The following NR5A2 variants were observed in gnomAD, a reference collection of about 807,000 sequenced individuals.
NR5A2 encodes the protein nuclear receptor subfamily 5 group A member 2.
Under a neutral mutation model 62.7 loss-of-function variants are expected in NR5A2, and 26 were observed. The observed-to-expected ratio is 0.41, with a 90% confidence interval of 0.30 to 0.58. The LOEUF is 0.58. Ranked by LOEUF, NR5A2 falls within the 20% of genes least tolerant of loss-of-function variation. NR5A2 has a pLI of 0.22. For missense variants in NR5A2, 541 were observed against 669.1 expected (o/e 0.81, Z 2.11); for synonymous variants, 246 against 241.7 (o/e 1.02, Z -0.16).
intron 7 of NR5A2, among the ~76,000 whole-genome samples, chr1:200,127,274 A>T (rs1666744894): frequency 2.6e-5 from 4 of 152,154 alleles, no homozygotes; most frequent in African/African-American, 4.8e-5. Context: ...ACCTTTGAAG[A>T]CACAGGTTTG....
At chr1:200,090,793 G>A (rs1278395597) in intron 5 of NR5A2, among the ~76,000 whole-genome samples, 5 of 152,148 alleles carry the variant, frequency 3.3e-5, no homozygotes, top group Non-Finnish European at 5.9e-5. Context: ...GGACAGCACA[G>A]ATGTCTCTAG....
chr1:200,065,135 C>A (rs992047219), intron 5 of NR5A2, among the ~76,000 whole-genome samples: 2 of 150,572 alleles, frequency 1.3e-5, no homozygotes, highest in South Asian at 2.1e-4. Flanking sequence ...TTTTCTTTTT[C>A]TTTTTTAGTT....
chr1:200,136,470 G>A (rs1282813764), intron 7 of NR5A2, among the ~76,000 whole-genome samples: 1 of 152,208 alleles, frequency 6.6e-6, no homozygotes, highest in Non-Finnish European at 1.5e-5. Context: ...CATTATACCT[G>A]TTGTTTCTAA....
chr1:200,067,385 C>T (rs766938410), intron 5 of NR5A2, among the ~76,000 whole-genome samples: 22 of 152,182 alleles, frequency 1.4e-4, no homozygotes, highest in Non-Finnish European at 2.5e-4. Context: ...GGAGAAACCC[C>T]GTCTCTACTA....
At chr1:200,103,145 T>A (rs1665469523) in intron 5 of NR5A2, among the ~76,000 whole-genome samples, 1 of 131,310 alleles carries the variant, frequency 7.6e-6, no homozygotes, top group Admixed American at 7.9e-5. Context: ...TTTTTTTGAG[T>A]TGGAGTCTCA....
chr1:200,121,022 C>A, intron 7 of NR5A2, 67 bp downstream of exon 7: 1 of 1,554,612 alleles, frequency 6.4e-7, no homozygotes, highest in South Asian at 1.1e-5. Flanking sequence ...GTTCAAATAT[C>A]TTGTGGTCCA....
At chr1:200,160,601 C>T (rs565376074) in intron 7 of NR5A2, among the ~76,000 whole-genome samples, 5 of 152,206 alleles carry the variant, frequency 3.3e-5, no homozygotes, top group Admixed American at 6.5e-5. Flanking sequence ...ATCCCAAAGA[C>T]GATAAGAATG....
In NR5A2 at chr1:200,155,871, G is replaced by A. The variant is rs143289980; in HGVS notation, c.1379-18092G>A. ...GTATTTTTAGTAGAGACGGGGTTCCGCCATGTTGGCCAGGCTGGTCTCGAA... is the reference window on the plus strand; with the variant it reads ...GTATTTTTAGTAGAGACGGGGTTCCACCATGTTGGCCAGGCTGGTCTCGAA... On this transcript the variant is annotated intron_variant, in intron 7 of 7. Transcript: ENST00000367362. Among the ~76,000 whole-genome samples, 1,357 of 151,974 alleles carry A rather than the reference G, an allele frequency of 8.9e-3. 14 individuals are homozygous for A. Among genetic ancestry groups the A allele is most frequent in the African/African-American group, 0.028 (1,142 of 41,422 alleles).
chr1:200,172,009 T>C (rs979909673), intron 7 of NR5A2, among the ~76,000 whole-genome samples: 1 of 152,238 alleles, frequency 6.6e-6, no homozygotes, highest in South Asian at 2.1e-4. Flanking sequence ...TTCATTTTTC[T>C]TACATTTTAC....
intron 1 of NR5A2, among the ~76,000 whole-genome samples, chr1:200,038,299 A>T (rs1661876806): frequency 6.6e-6 from 1 of 152,186 alleles, no homozygotes. Flanking sequence ...GGTCACTAAA[A>T]CTGGAAAGTC....
chr1:200,047,602 G>A (rs1172832096), intron 4 of NR5A2, among the ~76,000 whole-genome samples: 1 of 134,702 alleles, frequency 7.4e-6, no homozygotes, highest in Non-Finnish European at 1.6e-5. Context: ...TGAGACAGGG[G>A]TTTCACTCTT....
At chr1:200,117,543 C>T (rs1374079548) in intron 6 of NR5A2, among the ~76,000 whole-genome samples, 3 of 152,148 alleles carry the variant, frequency 2.0e-5, no homozygotes, top group African/African-American at 7.2e-5. Flanking sequence ...TAGTGTACTA[C>T]ATTTTCACAT....
intron 5 of NR5A2, among the ~76,000 whole-genome samples, chr1:200,070,178 G>C (rs1308788009): frequency 1.3e-5 from 2 of 152,052 alleles, no homozygotes. Context: ...CTACTTTCCT[G>C]TTCATAATAA....
At position 200,174,119 on chromosome 1, in the gene NR5A2, A is replaced by G; in HGVS notation, c.1535A>G (p.Gln512Arg). The G allele has an allele frequency of 1.2e-6, 2 of 1,613,898 alleles. No homozygotes were observed. The highest frequency in any genetic ancestry group is 1.7e-6 in the Non-Finnish European group (2 of 1,179,980). ...RLPEIRAISM[Q>R]AEEYLYYKHL... Reference sequence around the variant, plus strand: ...CCCGAAATCCGGGCCATCAGTATGCAGGCTGAAGAATACCTCTACTACAAG... The same window carrying G: ...CCCGAAATCCGGGCCATCAGTATGCGGGCTGAAGAATACCTCTACTACAAG... The change falls in exon 8 of 8, where the codon CAG becomes CGG. Residue 512 changes from glutamine to arginine, a missense_variant. Gln to Arg is a conservative substitution (Grantham distance 43, BLOSUM62 1). Transcript: ENST00000367362.
At chr1:200,131,235 AT>A (rs766501374) in intron 7 of NR5A2, among the ~76,000 whole-genome samples, 4 of 143,494 alleles carry the variant, frequency 2.8e-5, no homozygotes, top group Non-Finnish European at 4.4e-5. Context: ...GGTGTTGTGG[AT>A]TTTTTTTTTC....
intron 6 of NR5A2, among the ~76,000 whole-genome samples, chr1:200,115,855 T>A (rs1441799814): frequency 6.6e-6 from 1 of 151,902 alleles, no homozygotes; most frequent in East Asian, 1.9e-4. Context: ...TTGATTGTAC[T>A]CTCCTTTGTA....
intron 5 of NR5A2, among the ~76,000 whole-genome samples, chr1:200,081,735 CTGAG>C (rs1022229169): frequency 1.3e-5 from 2 of 151,338 alleles, no homozygotes; most frequent in African/African-American, 2.4e-5. Context: ...ATAAACTTGC[CTGAG>C]TATTATTCAA....
At chr1:200,054,643 C>A (rs1033345297) in intron 5 of NR5A2, among the ~76,000 whole-genome samples, 2 of 152,062 alleles carry the variant, frequency 1.3e-5, no homozygotes, top group African/African-American at 2.4e-5. Context: ...GAGTTTGTGC[C>A]AAAGGAATTT....
chr1:200,079,678 A>G lies in NR5A2; in HGVS notation c.1110+30860A>G, dbSNP rs925810071. On this transcript the variant is annotated intron_variant, in intron 5 of 7. Transcript: ENST00000367362. ...GTGAGTTTTCCTTGGGCCTGCTCCC[A>G]TACATAAAAATTTTGCTGAGCTCTC... 5.9e-5 allele frequency among the ~76,000 whole-genome samples: 9 copies of G among 152,350 alleles called. No individual in the cohort carries two copies. The East Asian group carries it at 1.7e-3, about 29-fold the overall frequency.
Sources: allele counts gnomAD v4.1 joint callset (sites outside exome capture counted in the v4.1 genomes callset), GRCh38; gene constraint gnomAD v4.1.1; transcripts MANE v1.5; gene names NCBI Gene and HGNC (gene_info 2026-07-23, HGNC 2026-07-21).